The following ALG11 variants were observed in gnomAD, a reference collection of about 807,000 sequenced individuals.
ALG11 encodes ALG11 alpha-1,2-mannosyltransferase.
A neutral mutation model predicts 38.8 loss-of-function variants in ALG11; 26 were observed. The ratio of observed to expected loss-of-function variants is 0.67; its 90% CI spans 0.49 to 0.93. The LOEUF (loss-of-function observed/expected upper bound fraction) is 0.93, where lower values mean the gene tolerates loss of function less well. Ranked by LOEUF, ALG11 falls within the 40% of genes least tolerant of loss-of-function variation. ALG11 has a pLI of 0.00. For synonymous variants in ALG11, 199 were observed against 211.6 expected (o/e 0.94, Z 0.52); for missense variants, 535 against 578.8 (o/e 0.92, Z 0.78).
Position 52,031,262 on chromosome 13 carries a change from C to A in ALG11, c.*2672C>A. 1 of 1,121,648 alleles carries A rather than the reference C, an allele frequency of 8.9e-7. No homozygotes were observed. The highest frequency in any genetic ancestry group is 1.2e-6 in the Non-Finnish European group (1 of 806,348). 69.5% of individuals were successfully genotyped at this position (1,121,648 alleles called of 1,614,324 possible). The stretch of plus-strand genomic sequence containing the variant: ...AAGAAAATGGATGACCATTAATTGA[C>A]TAGCATTTTAGAATTGATCAGACAT... On this transcript the variant is annotated 3_prime_UTR_variant, in exon 4 of 4. Transcript: ENST00000521508.
rs764681484 is a variant in ALG11 at position 52,024,202 on chromosome 13, T to G, written c.472T>G (p.Phe158Val). The G allele has an allele frequency of 3.1e-6, 5 of 1,614,060 alleles. No individual in the cohort carries two copies. The African/African-American group carries it at 4.0e-5, about 13-fold the overall frequency. The change falls in exon 3 of 4, where the codon TTT becomes GTT. Residue 158 changes from phenylalanine to valine, a missense_variant. Physicochemically the swap from Phe to Val is conservative, Grantham distance 50. Transcript: ENST00000521508. ...TLLGQSLGSIFLGWEALMQCV... is the reference protein window; with the variant it reads ...TLLGQSLGSIVLGWEALMQCV... ...GCTGGGCCAAAGTCTAGGATCCATTTTTCTTGGCTGGGAAGCTCTAATGCA... is the reference window on the plus strand; with the variant it reads ...GCTGGGCCAAAGTCTAGGATCCATTGTTCTTGGCTGGGAAGCTCTAATGCA...
rs1293857263 is a variant in ALG11 at position 52,024,745 on chromosome 13, C to G, written c.1015C>G (p.Leu339Val). Reference sequence around the variant, plus strand: ...GGTTGAGTCACCTCCTTCGCTTAAACTTGTCCTCATTGGAGGTTGTCGTAA... The same window carrying G: ...GGTTGAGTCACCTCCTTCGCTTAAAGTTGTCCTCATTGGAGGTTGTCGTAA... Reference protein sequence around the residue: ...KMVESPPSLKLVLIGGCRNKD... With the variant: ...KMVESPPSLKVVLIGGCRNKD... Residue 339 changes from leucine to valine, a missense_variant, in exon 3 of 4, where the codon CTT becomes GTT. By Grantham distance (32) the Leu-to-Val change is conservative (BLOSUM62 1). Transcript: ENST00000521508. 8 of 1,614,100 alleles carry G rather than the reference C, an allele frequency of 5.0e-6. No homozygotes were observed. In the Admixed American group the frequency reaches 6.7e-5, roughly 13 times the overall value.
rs751800577 is a variant in ALG11, at chr13:52,012,472, C to T, written c.44+10C>T. Reference sequence around the variant, plus strand: ...TGTGCAAGTTGTTGAGGTGAGCAGCCGGTCGTGTGGGCTCACAGACGTTTT... The same window carrying T: ...TGTGCAAGTTGTTGAGGTGAGCAGCTGGTCGTGTGGGCTCACAGACGTTTT... On this transcript the variant is annotated intron_variant, in intron 1 of 3. Coordinates refer to ENST00000521508, the MANE Select transcript of ALG11 (RefSeq NM_001004127.3). 127 of 1,613,984 alleles carry T rather than the reference C, an allele frequency of 7.9e-5. No homozygotes were observed. The highest frequency in any genetic ancestry group is 9.6e-5 in the Non-Finnish European group (113 of 1,180,052).
At position 52,028,765 on chromosome 13, in the gene ALG11, C is replaced by T. The variant is rs764203030; in HGVS notation, c.*175C>T. ...AAGAAAATGGATGACTAGCCTTCGGCTTCCATTCTTGGTATACATGAGAGA... is the reference window on the plus strand; with the variant it reads ...AAGAAAATGGATGACTAGCCTTCGGTTTCCATTCTTGGTATACATGAGAGA... On this transcript the variant is annotated 3_prime_UTR_variant, in exon 4 of 4. Coordinates refer to ENST00000521508, the MANE Select transcript of ALG11 (RefSeq NM_001004127.3). 6.2e-7 allele frequency: 1 copy of T among 1,613,966 alleles called. No individual in the cohort carries two copies. Among genetic ancestry groups the T allele is most frequent in the South Asian group, 1.1e-5 (1 of 91,060 alleles).
At position 52,029,926 on chromosome 13, in the gene ALG11, G is replaced by A; in HGVS notation, c.*1336G>A. 1 of 1,614,220 alleles carries A rather than the reference G, an allele frequency of 6.2e-7. No homozygotes were observed. Among genetic ancestry groups the A allele is most frequent in the Non-Finnish European group, 8.5e-7 (1 of 1,180,034 alleles). ...ATGTGGACGGACCGAATCCCTGGAT[G>A]TTCAGGAGCTGCACCAGTGACACCA... is the stretch of plus-strand genomic sequence containing the variant. On this transcript the variant is annotated 3_prime_UTR_variant, in exon 4 of 4. Transcript: ENST00000521508.
rs1485166179 is a variant in ALG11, at chr13:52,032,847, C to G, written c.*4257C>G. The G allele has an allele frequency of 6.0e-6, 1 of 167,058 alleles. No homozygotes were observed. Among genetic ancestry groups the G allele is most frequent in the Non-Finnish European group, 1.5e-5 (1 of 68,110 alleles). The allele number at this position is 167,058 out of a possible 1,614,324, so 10.3% of individuals were successfully genotyped here. On this transcript the variant is annotated 3_prime_UTR_variant, in exon 4 of 4. Transcript: ENST00000521508. ...TAAATCTAAAGAATTTAGTAGATTCCTTCAGTGTCACAAAGCTGTTTCATG... is the reference window on the plus strand; with the variant it reads ...TAAATCTAAAGAATTTAGTAGATTCGTTCAGTGTCACAAAGCTGTTTCATG...
intron 2 of ALG11, chr13:52,022,209 A>C (rs1413288074): frequency 6.6e-6 from 1 of 152,200 alleles, no homozygotes; most frequent in African/African-American, 2.4e-5. Context: ...CTACTTAAAA[A>C]ATACAAAAAT....
At chr13:52,027,741 G>A (rs143174275) in intron 3 of ALG11, among the ~76,000 whole-genome samples, 9 of 152,286 alleles carry the variant, frequency 5.9e-5, no homozygotes, top group Middle Eastern at 3.4e-3. Context: ...ACATAAGCAC[G>A]GCGATAGTAT....
intron 1 of ALG11, among the ~76,000 whole-genome samples, chr13:52,013,528 T>A (rs767867443): frequency 6.6e-6 from 1 of 152,268 alleles, no homozygotes; most frequent in Non-Finnish European, 1.5e-5. Context: ...TTAGTTATTA[T>A]GCAGCTTTTA....
At position 52,031,502 on chromosome 13, in the gene ALG11, C is replaced by T. The variant is rs1442960678; in HGVS notation, c.*2912C>T. 1 of 190,250 alleles carries T rather than the reference C, an allele frequency of 5.3e-6. No individual in the cohort carries two copies. The highest frequency in any genetic ancestry group is 1.5e-4 in the East Asian group (1 of 6,598). 11.8% of individuals were successfully genotyped at this position (190,250 alleles called of 1,614,324 possible). ...GGTGCTGCCAGCAATCCTTTCCATA[C>T]TAGGTACTGGTGAAAATTGTTTTTG... On this transcript the variant is annotated 3_prime_UTR_variant, in exon 4 of 4. Coordinates refer to ENST00000521508, the MANE Select transcript of ALG11 (RefSeq NM_001004127.3).
Position 52,031,238 on chromosome 13 carries a change from A to C in ALG11, c.*2648A>C, listed in dbSNP as rs1428752309. The C allele has an allele frequency of 4.6e-5, 61 of 1,334,602 alleles. 1 individual carries two copies. Among genetic ancestry groups the C allele is most frequent in the Non-Finnish European group, 5.7e-5 (56 of 990,344 alleles). 82.7% of individuals were successfully genotyped at this position (1,334,602 alleles called of 1,614,324 possible). ...TAGTTGAGCCACATTTTTTAAAAAA[A>C]GAAAATGGATGACCATTAATTGACT... On this transcript the variant is annotated 3_prime_UTR_variant, in exon 4 of 4. Transcript: ENST00000521508.
rs376943099 is a variant in ALG11 at position 52,023,792 on chromosome 13, C to CTT, written c.276-195_276-194dup. The CTT allele has an allele frequency of 1.7e-3, 298 of 177,828 alleles. 7 individuals are homozygous for CTT. Among genetic ancestry groups the CTT allele is most frequent in the African/African-American group, 3.5e-3 (102 of 29,158 alleles). 11.0% of individuals were successfully genotyped at this position (177,828 alleles called of 1,614,324 possible). ...TCAGTCTCTCAGGGTAGGTAGCAGGCTTTTTTTTTTTTTTTTTTTTGAGAT... is the reference window on the plus strand; with the variant it reads ...TCAGTCTCTCAGGGTAGGTAGCAGGCTTTTTTTTTTTTTTTTTTTTTTGAGAT... On this transcript the variant is annotated intron_variant, in intron 2 of 3. Coordinates refer to ENST00000521508, the MANE Select transcript of ALG11 (RefSeq NM_001004127.3).
At chr13:52,014,365 A>G (rs1954116892) in intron 1 of ALG11, among the ~76,000 whole-genome samples, 1 of 152,142 alleles carries the variant, frequency 6.6e-6, no homozygotes, top group Non-Finnish European at 1.5e-5. Context: ...TTATGAAAGA[A>G]TTTTTATTTT....
chr13:52,030,742 C>T lies in ALG11; in HGVS notation c.*2152C>T. The T allele has an allele frequency of 1.2e-6, 2 of 1,614,162 alleles. No individual in the cohort carries two copies. The highest frequency in any genetic ancestry group is 2.7e-5 in the African/African-American group (2 of 75,018). ...TAAAGCCCAGTGCCAAGAAAAGACG[C>T]CAGTTTCTCATTAAAGCCCCTGAGG... On this transcript the variant is annotated 3_prime_UTR_variant, in exon 4 of 4. Transcript: ENST00000521508.
chr13:52,024,335 T>C lies in ALG11; in HGVS notation c.605T>C (p.Ile202Thr). 1 of 1,614,174 alleles carries C rather than the reference T, an allele frequency of 6.2e-7. No individual in the cohort carries two copies. Residue 202 changes from isoleucine (I) to threonine (T), a missense_variant, in exon 3 of 4, where the codon ATC becomes ACC. By Grantham distance (89) the Ile-to-Thr change is moderately conservative. Coordinates refer to ENST00000521508, the MANE Select transcript of ALG11 (RefSeq NM_001004127.3). Reference sequence around the variant, plus strand: ...GGAAGCTATGTTCATTATCCTACTATCAGCACCGACATGCTCTCTGTAGTG... The same window carrying C: ...GGAAGCTATGTTCATTATCCTACTACCAGCACCGACATGCTCTCTGTAGTG... The part of the protein sequence containing the change: ...QVGSYVHYPT[I>T]STDMLSVVKN...
intron 2 of ALG11, chr13:52,022,433 TC>T (rs949693205): frequency 6.6e-6 from 1 of 152,192 alleles, no homozygotes; most frequent in African/African-American, 2.4e-5. Flanking sequence ...GAGATCACAA[TC>T]TTTTTTCACA....
intron 3 of ALG11, among the ~76,000 whole-genome samples, chr13:52,025,722 G>C (rs953954339): frequency 1.5e-4 from 23 of 152,326 alleles, no homozygotes; most frequent in African/African-American, 5.3e-4. Context: ...GTACTGCTTT[G>C]TGTTTAATTT....
At chr13:52,013,165 C>T (rs1009551163) in intron 1 of ALG11, among the ~76,000 whole-genome samples, 1 of 152,086 alleles carries the variant, frequency 6.6e-6, no homozygotes, top group African/African-American at 2.4e-5. Context: ...TGTTGTAGTA[C>T]TACTGTATTT....
At chr13:52,026,477 G>C (rs1358612119) in intron 3 of ALG11, among the ~76,000 whole-genome samples, 2 of 152,194 alleles carry the variant, frequency 1.3e-5, no homozygotes, top group Non-Finnish European at 2.9e-5. Context: ...AAGACTGGAA[G>C]GGCAGTAAGA....
Sources: gnomAD v4.1 joint callset for allele counts (sites outside exome capture counted in the v4.1 genomes callset) on GRCh38, gnomAD v4.1.1 for gene constraint, MANE v1.5 for transcripts, NCBI Gene and HGNC (gene_info 2026-07-23, HGNC 2026-07-21) for gene names.